Variants in POU2F2 observed in about 807,000 individuals in gnomAD.
The protein encoded by POU2F2 is POU domain, class 2, transcription factor 2.
POU2F2 carries 14 observed loss-of-function variants against 63.5 expected under a neutral mutation model. The observed-to-expected ratio is 0.22, with a 90% CI of 0.15 to 0.34. POU2F2 has a LOEUF of 0.34. POU2F2 is among the 10% of genes least tolerant of loss of function. The probability of loss-of-function intolerance (pLI) is 1.00; values close to 1 mark genes in which losing one functional copy is unlikely to be tolerated. For missense variants in POU2F2, 607 were observed against 815.2 expected (o/e 0.74, Z 3.11); for synonymous variants, 306 against 348.6 (o/e 0.88, Z 1.36).
intron 2 of POU2F2, among the ~76,000 whole-genome samples, chr19:42,151,746 C>T (rs935642579): frequency 6.6e-6 from 1 of 152,182 alleles, no homozygotes; most frequent in African/African-American, 2.4e-5. Flanking sequence ...TGCCCTCCCC[C>T]ACCCAGGTCA....
intron 1 of POU2F2, among the ~76,000 whole-genome samples, chr19:42,183,166 G>A (rs931541584): frequency 1.3e-5 from 2 of 152,150 alleles, no homozygotes; most frequent in African/African-American, 2.4e-5. Context: ...ATACTATCAC[G>A]AATTAGCACT....
At chr19:42,120,303 A>G (rs1020508127) in intron 4 of POU2F2, among the ~76,000 whole-genome samples, 3 of 147,900 alleles carry the variant, frequency 2.0e-5, no homozygotes, top group Non-Finnish European at 3.0e-5. Context: ...TGCAACCTCT[A>G]CCTCCTGGGC....
intron 1 of POU2F2, among the ~76,000 whole-genome samples, chr19:42,165,112 T>A (rs1369244867): frequency 1.3e-5 from 2 of 152,228 alleles, no homozygotes; most frequent in African/African-American, 4.8e-5. Context: ...ATTGACAGAC[T>A]GTGGCTAGGT....
In POU2F2 at chr19:42,089,240, G is replaced by A; in HGVS notation, c.*2017C>T. On this transcript the variant is annotated 3_prime_UTR_variant, in exon 15 of 15. Transcript: ENST00000692977. ...GAGCAAAGGGAGAGAGAGGAGACAG[G>A]AAGGAGGAGAGGAGAGAGGAAGGAG... The A allele has an allele frequency of 6.5e-6, 1 of 152,676 alleles. No individual in the cohort carries two copies. 9.5% of individuals were successfully genotyped at this position (152,676 alleles called of 1,614,324 possible).
intron 1 of POU2F2, among the ~76,000 whole-genome samples, chr19:42,195,335 T>G (rs1378262535): frequency 1.4e-5 from 2 of 142,782 alleles, no homozygotes; most frequent in Non-Finnish European, 3.1e-5. Context: ...TTTTTCTTTT[T>G]TTTTTTTTTT....
chr19:42,146,146 C>A (rs894118992), intron 2 of POU2F2, among the ~76,000 whole-genome samples: 5 of 151,878 alleles, frequency 3.3e-5, no homozygotes, highest in African/African-American at 1.2e-4. Flanking sequence ...CTTCTCAATA[C>A]TCTACAAAAA....
chr19:42,096,669 A>G lies in POU2F2; in HGVS notation c.568-426T>C, dbSNP rs2076933520. ...TTTCCCCCTCTGCAGGATGGGAACA[A>G]TCACTGCTGTTCTGTCTACCCAGTG... On this transcript the variant is annotated intron_variant, in intron 7 of 14. Coordinates refer to ENST00000692977, the MANE Select transcript of POU2F2 (RefSeq NM_001394376.1). The surrounding 1 kb of genome is among the most constrained non-coding windows in gnomAD (Gnocchi z 4.1). Among the ~76,000 whole-genome samples, 1 of 152,212 alleles carries G rather than the reference A, an allele frequency of 6.6e-6. No individual in the cohort carries two copies. Among genetic ancestry groups the G allele is most frequent in the African/African-American group, 2.4e-5 (1 of 41,452 alleles).
At chr19:42,125,901 C>G (rs1455297480) in intron 1 of POU2F2, among the ~76,000 whole-genome samples, 1 of 152,200 alleles carries the variant, frequency 6.6e-6, no homozygotes, top group African/African-American at 2.4e-5. Context: ...TCTACACTCC[C>G]ACCTAGCTGG....
At chr19:42,178,067 G>A (rs2034917374), upstream of POU2F2, among the ~76,000 whole-genome samples, 1 of 151,912 alleles carries the variant, frequency 6.6e-6, no homozygotes. Context: ...AGAAGGGAGA[G>A]GGCAGGAAGT....
intron 1 of POU2F2, among the ~76,000 whole-genome samples, chr19:42,195,728 C>T (rs2035136827): frequency 1.4e-5 from 2 of 139,444 alleles, no homozygotes; most frequent in African/African-American, 5.2e-5. Flanking sequence ...CACCTTCCCT[C>T]CCTCCCTCCC....
At chr19:42,109,475 A>T (rs2030716086) in intron 5 of POU2F2, among the ~76,000 whole-genome samples, 1 of 152,194 alleles carries the variant, frequency 6.6e-6, no homozygotes, top group Non-Finnish European at 1.5e-5. Flanking sequence ...ATATCGTGAT[A>T]GATTGTGTTC....
chr19:42,125,509 A>T (rs1020591011), intron 1 of POU2F2, among the ~76,000 whole-genome samples: 2 of 152,090 alleles, frequency 1.3e-5, no homozygotes, highest in African/African-American at 4.8e-5. Context: ...ACAAGAAGGG[A>T]GCTGGGCAGC....
chr19:42,146,163 G>C (rs2034230581), intron 2 of POU2F2, among the ~76,000 whole-genome samples: 1 of 151,836 alleles, frequency 6.6e-6, no homozygotes, highest in Admixed American at 6.6e-5. Flanking sequence ...AAAAAGCATT[G>C]TTAACATCCC....
intron 5 of POU2F2, chr19:42,110,608 G>A: frequency 2.5e-6 from 1 of 398,536 alleles, no homozygotes; most frequent in Admixed American, 2.9e-5. Context: ...CTCCTTAACT[G>A]TACAGGATCA....
intron 1 of POU2F2, among the ~76,000 whole-genome samples, chr19:42,174,377 C>G (rs1333013590): frequency 6.6e-6 from 1 of 152,256 alleles, no homozygotes; most frequent in Non-Finnish European, 1.5e-5. Flanking sequence ...CACGTGTCCA[C>G]TGCTGAAGCC....
At chr19:42,176,388 G>A (rs1013854673), upstream of POU2F2, among the ~76,000 whole-genome samples, 1 of 151,944 alleles carries the variant, frequency 6.6e-6, no homozygotes, top group East Asian at 1.9e-4. Flanking sequence ...GCGGCGAAGC[G>A]CCCACTGCCT....
chr19:42,183,254 G>T (rs200085334), intron 1 of POU2F2, among the ~76,000 whole-genome samples: 2 of 152,308 alleles, frequency 1.3e-5, no homozygotes, highest in East Asian at 3.9e-4. Context: ...AGTTGTTGGT[G>T]GGGGAGGGAA....
At chr19:42,184,866 TCTC>T (rs1290502659) in intron 1 of POU2F2, among the ~76,000 whole-genome samples, 3 of 152,060 alleles carry the variant, frequency 2.0e-5, no homozygotes, top group Admixed American at 1.3e-4. Context: ...TTTAGCCCTC[TCTC>T]CTAAGCTTCA....
rs1349730275 is a variant in POU2F2, at chr19:42,088,653, G to C, written c.*2604C>G. On this transcript the variant is annotated 3_prime_UTR_variant, in exon 15 of 15. Coordinates refer to ENST00000692977, the MANE Select transcript of POU2F2 (RefSeq NM_001394376.1). The stretch of plus-strand genomic sequence containing the variant: ...TCAAATGTCCTTCCTATTTGGTCAG[G>C]AGCCCTTGGCCCCCTCTCCACCCTT... 1 of 152,334 alleles carries C rather than the reference G, an allele frequency of 6.6e-6. No homozygotes were observed. The highest frequency in any genetic ancestry group is 1.9e-4 in the East Asian group (1 of 5,176). 9.4% of individuals were successfully genotyped at this position (152,334 alleles called of 1,614,324 possible). A position where few individuals can be genotyped will look rare whatever the true frequency, so the allele number is the denominator to read the frequency against.
Sources: gnomAD v4.1 joint callset for allele counts (sites outside exome capture counted in the v4.1 genomes callset) on GRCh38, gnomAD v4.1.1 for gene constraint, Gnocchi (gnomAD v3.1) non-coding constraint, MANE v1.5 for transcripts, NCBI Gene and HGNC (gene_info 2026-07-23, HGNC 2026-07-21) for gene names.